Variants in CYTH3 observed in about 807,000 individuals in gnomAD.
CYTH3 encodes cytohesin-3.
CYTH3 carries 23 observed loss-of-function variants against 55.1 expected under a neutral mutation model. The observed-to-expected ratio is 0.42, with a 90% CI of 0.30 to 0.59. CYTH3 has a LOEUF of 0.59. Among genes scored for constraint, CYTH3 ranks in the 20% least tolerant of loss-of-function variants. CYTH3 has a pLI of 0.20. For synonymous variants in CYTH3, 249 were observed against 194.9 expected (o/e 1.28, Z -2.31); for missense variants, 413 against 524.8 (o/e 0.79, Z 2.08).
intron 2 of CYTH3, among the ~76,000 whole-genome samples, chr7:6,190,155 C>G (rs1291904048): frequency 6.6e-6 from 1 of 152,188 alleles, no homozygotes; most frequent in African/African-American, 2.4e-5. Context: ...TGATACGCTG[C>G]CTGTGGCCCT....
At chr7:6,202,811 GAAGT>G (rs1784088852) in intron 1 of CYTH3, among the ~76,000 whole-genome samples, 1 of 152,176 alleles carries the variant, frequency 6.6e-6, no homozygotes, top group Non-Finnish European at 1.5e-5. Flanking sequence ...TATGCAGTAA[GAAGT>G]AACTGATACA....
chr7:6,179,587 GACACACACACACACACCAC>G (rs1783422918), intron 4 of CYTH3, among the ~76,000 whole-genome samples: 1 of 143,282 alleles, frequency 7.0e-6, no homozygotes, highest in African/African-American at 2.7e-5. Flanking sequence ...TTACAAGACA[GACACACACACACACACCAC>G]ACACCACACA....
intron 1 of CYTH3, among the ~76,000 whole-genome samples, chr7:6,201,263 C>A (rs747886013): frequency 3.9e-5 from 6 of 152,162 alleles, no homozygotes; most frequent in Non-Finnish European, 8.8e-5. Flanking sequence ...TTAGCAACAA[C>A]GGAAAGGGCC....
intron 1 of CYTH3, among the ~76,000 whole-genome samples, chr7:6,234,472 G>A (rs1191349675): frequency 1.3e-5 from 2 of 152,176 alleles, no homozygotes; most frequent in African/African-American, 4.8e-5. Context: ...ATTTACTGAT[G>A]TCCCCAACTG....
intron 2 of CYTH3, among the ~76,000 whole-genome samples, chr7:6,188,379 G>T (rs957137892): frequency 6.6e-6 from 1 of 151,394 alleles, no homozygotes; most frequent in Non-Finnish European, 1.5e-5. Context: ...CCCAGCAAAA[G>T]GAAAGCCATG....
At chr7:6,201,076 A>AT (rs1198864651) in intron 1 of CYTH3, among the ~76,000 whole-genome samples, 3 of 152,226 alleles carry the variant, frequency 2.0e-5, no homozygotes, top group South Asian at 2.1e-4. Flanking sequence ...TTAAATGAGC[A>AT]TGAGTTTCTG....
chr7:6,192,606 A>G (rs1372901558), intron 1 of CYTH3, among the ~76,000 whole-genome samples: 1 of 140,312 alleles, frequency 7.1e-6, no homozygotes, highest in African/African-American at 2.7e-5. Flanking sequence ...ATCTCAGCTC[A>G]CTGCAACCTC....
chr7:6,192,185 C>A (rs569636118), intron 1 of CYTH3, among the ~76,000 whole-genome samples: 4 of 152,122 alleles, frequency 2.6e-5, no homozygotes, highest in African/African-American at 9.7e-5. Flanking sequence ...CCAAAGAATT[C>A]GGATTCAAAA....
chr7:6,173,654 T>C lies in CYTH3; in HGVS notation c.448A>G (p.Arg150Gly). The C allele has an allele frequency of 6.2e-7, 1 of 1,604,258 alleles. No homozygotes were observed. Among genetic ancestry groups the C allele is most frequent in the Non-Finnish European group, 8.5e-7 (1 of 1,171,176 alleles). ...FADLNLVQAL[R>G]QFLWSFRLPG... Reference sequence around the variant, plus strand: ...CACCCAGCAAATGATCATACTTACCTTAAGGCTTGTACAAGGTTGAGATCA... The same window carrying C: ...CACCCAGCAAATGATCATACTTACCCTAAGGCTTGTACAAGGTTGAGATCA... The change falls in exon 6 of 13, where the codon AGG (arginine) becomes GGG (glycine). Residue 150 changes from arginine (R) to glycine (G), a missense_variant and splice_region_variant. Arg to Gly is a moderately radical substitution (Grantham distance 125). This residue lies in a region of CYTH3 where 156 missense variants were observed against 233.1 expected (regional missense o/e 0.67). Coordinates refer to ENST00000350796, the MANE Select transcript of CYTH3 (RefSeq NM_004227.4).
chr7:6,165,675 G>A (rs1021525922), intron 10 of CYTH3, 59 bp from the exon 11 acceptor site: 22 of 1,612,774 alleles, frequency 1.4e-5, no homozygotes, highest in South Asian at 1.3e-4. Flanking sequence ...AGGGTCCCTC[G>A]GCCCCAGGGC....
chr7:6,167,096 G>A lies in CYTH3; in HGVS notation c.824-1286C>T, dbSNP rs913604822. Among the ~76,000 whole-genome samples, 1 of 152,138 alleles carries A rather than the reference G, an allele frequency of 6.6e-6. No homozygotes were observed. Among genetic ancestry groups the A allele is most frequent in the Non-Finnish European group, 1.5e-5 (1 of 68,014 alleles). On this transcript the variant is annotated intron_variant, in intron 9 of 12. Coordinates refer to ENST00000350796, the MANE Select transcript of CYTH3 (RefSeq NM_004227.4). The surrounding 1 kb of genome is among the most constrained non-coding windows in gnomAD (Gnocchi z 5.5). ...ACTGGAACCCTCTGCCCCAACTGTG[G>A]CACCGCCTCACTGGTCCCCTTTAAG... is the stretch of plus-strand genomic sequence containing the variant.
At chr7:6,199,006 G>A (rs1321540851) in intron 1 of CYTH3, among the ~76,000 whole-genome samples, 1 of 152,180 alleles carries the variant, frequency 6.6e-6, no homozygotes, top group East Asian at 1.9e-4. Context: ...AGCACATACG[G>A]TTTCAACATT....
At chr7:6,261,865 T>C (rs1780362038) in intron 1 of CYTH3, among the ~76,000 whole-genome samples, 1 of 152,126 alleles carries the variant, frequency 6.6e-6, no homozygotes, top group African/African-American at 2.4e-5. Flanking sequence ...CAAGATCACA[T>C]GACTGAAAAC....
intron 1 of CYTH3, among the ~76,000 whole-genome samples, chr7:6,258,021 G>A (rs960616311): frequency 6.6e-6 from 1 of 152,098 alleles, no homozygotes; most frequent in Admixed American, 6.5e-5. Context: ...AATGCAACAG[G>A]GCTGGGCACG....
intron 4 of CYTH3, 34 bp downstream of exon 4, chr7:6,187,016 C>T: frequency 6.2e-7 from 1 of 1,603,618 alleles, no homozygotes; most frequent in Non-Finnish European, 8.5e-7. Context: ...TAGTCCATCT[C>T]CTGCAGGCCA....
intron 1 of CYTH3, among the ~76,000 whole-genome samples, chr7:6,193,451 C>G (rs914263059): frequency 3.4e-4 from 52 of 152,008 alleles, no homozygotes; most frequent in African/African-American, 1.2e-3. Flanking sequence ...AACTCAAAAC[C>G]TGTCACAACA....
At position 6,171,007 on chromosome 7, in the gene CYTH3, G is replaced by C; in HGVS notation, c.563-29C>G. 1.9e-6 allele frequency: 3 copies of C among 1,612,510 alleles called. No homozygotes were observed. Among genetic ancestry groups the C allele is most frequent in the Non-Finnish European group, 2.5e-6 (3 of 1,179,566 alleles). On this transcript the variant is annotated intron_variant, in intron 7 of 12. Coordinates refer to ENST00000350796, the MANE Select transcript of CYTH3 (RefSeq NM_004227.4). This position sits in a 1 kb window ranked among gnomAD's most constrained non-coding sequence, Gnocchi z 6.7. ...CAACGAGTCCGGGGTGCTGGGCTCA[G>C]CCAGAACCTCCAGTGGACAGTGGGA...
intron 1 of CYTH3, among the ~76,000 whole-genome samples, chr7:6,268,762 G>C (rs77940243): frequency 0.026 from 3,951 of 152,100 alleles, 166 homozygotes; most frequent in African/African-American, 0.091. Context: ...TATCTATCAG[G>C]GTCCACCCAG....
chr7:6,192,657 G>A (rs754418393), intron 1 of CYTH3, among the ~76,000 whole-genome samples: 98 of 147,348 alleles, frequency 6.7e-4, no homozygotes, highest in Admixed American at 1.0e-3. Context: ...TCAGCCTCCC[G>A]AGTAGCTGGG....
Sources: gnomAD v4.1 joint callset for allele counts (sites outside exome capture counted in the v4.1 genomes callset) on GRCh38, gnomAD v4.1.1 for gene constraint, gnomAD v4.1.1 regional missense constraint, Gnocchi (gnomAD v3.1) non-coding constraint, MANE v1.5 for transcripts, NCBI Gene and HGNC (gene_info 2026-07-23, HGNC 2026-07-21) for gene names.